Variants in GRIK2 observed in about 807,000 individuals in gnomAD.
The protein encoded by GRIK2 is glutamate ionotropic receptor kainate type subunit 2.
GRIK2 carries 32 observed loss-of-function variants against 100.3 expected under a neutral mutation model. The observed-to-expected ratio is 0.32, with a 90% CI of 0.24 to 0.43. GRIK2 has a LOEUF of 0.43. Among genes scored for constraint, GRIK2 ranks in the 20% least tolerant of loss-of-function variants. GRIK2 has a pLI of 1.00. For missense variants in GRIK2, 843 were observed against 1,114.9 expected (o/e 0.76, Z 3.47); for synonymous variants, 417 against 389.4 (o/e 1.07, Z -0.83).
intron 2 of GRIK2, among the ~76,000 whole-genome samples, chr6:101,472,723 C>G (rs1223476560): frequency 2.6e-5 from 4 of 151,692 alleles, no homozygotes; most frequent in African/African-American, 9.7e-5. Context: ...TGCAGCCATT[C>G]CTTCTTGTGA....
chr6:101,408,163 T>A (rs1479699048), intron 2 of GRIK2, among the ~76,000 whole-genome samples: 2 of 152,112 alleles, frequency 1.3e-5, no homozygotes, highest in Non-Finnish European at 2.9e-5. Context: ...TGGTGTGCAA[T>A]AAGCAGTCAA....
At chr6:101,973,693 G>A (rs1372612594) in intron 14 of GRIK2, among the ~76,000 whole-genome samples, 2 of 151,988 alleles carry the variant, frequency 1.3e-5, no homozygotes, top group East Asian at 3.9e-4. Flanking sequence ...GTATTGGGGG[G>A]AAATTGCCCT....
intron 7 of GRIK2, among the ~76,000 whole-genome samples, chr6:101,707,289 A>G (rs1773369537): frequency 6.6e-6 from 1 of 151,496 alleles, no homozygotes; most frequent in African/African-American, 2.4e-5. Flanking sequence ...GCATGCCAGC[A>G]ATGTTCAACA....
chr6:102,018,009 G>T (rs1461877027), intron 14 of GRIK2, among the ~76,000 whole-genome samples: 1 of 152,044 alleles, frequency 6.6e-6, no homozygotes, highest in Non-Finnish European at 1.5e-5. Context: ...CAAACTTACT[G>T]CCATATCTGA....
chr6:101,561,521 G>A (rs1777010939), intron 2 of GRIK2, among the ~76,000 whole-genome samples: 1 of 152,094 alleles, frequency 6.6e-6, no homozygotes, highest in African/African-American at 2.4e-5. Flanking sequence ...AAAATAGCTA[G>A]AAAAGAAGAA....
At chr6:101,808,526 A>G (rs1350453469) in intron 9 of GRIK2, among the ~76,000 whole-genome samples, 8 of 151,994 alleles carry the variant, frequency 5.3e-5, no homozygotes, top group African/African-American at 1.9e-4. Flanking sequence ...TTTTTATTGT[A>G]CTACAGAATA....
Position 101,818,446 on chromosome 6 carries a change from C to T in GRIK2, c.1280C>T (p.Ser427Phe). 2 of 1,609,418 alleles carry T rather than the reference C, an allele frequency of 1.2e-6. No homozygotes were observed. The highest frequency in any genetic ancestry group is 1.7e-6 in the Non-Finnish European group (2 of 1,175,900). The change falls in exon 10 of 17, where the codon TCC becomes TTC. Residue 427 changes from serine (S) to phenylalanine (F), a missense_variant. Ser to Phe is a radical substitution (Grantham distance 155). Around this residue, in one of 3 missense-constraint regions of GRIK2, gnomAD observed 519 missense variants for 643.8 expected, o/e 0.81. Coordinates refer to ENST00000369134, the MANE Select transcript of GRIK2 (RefSeq NM_021956.5). ...QKGKPANITDSLSNRSLIVTT... is the reference protein window; with the variant it reads ...QKGKPANITDFLSNRSLIVTT... ...GGAAAGCCAGCGAACATCACAGATTCCTTATCCAATCGTTCTTTGATTGTT... is the reference window on the plus strand; with the variant it reads ...GGAAAGCCAGCGAACATCACAGATTTCTTATCCAATCGTTCTTTGATTGTT...
At chr6:101,570,606 T>C (rs988876500) in intron 2 of GRIK2, among the ~76,000 whole-genome samples, 11 of 152,170 alleles carry the variant, frequency 7.2e-5, no homozygotes, top group African/African-American at 1.9e-4. Flanking sequence ...TAAGAAGTTC[T>C]TCCATGTACC....
At chr6:101,941,617 C>A (rs1345975803) in intron 14 of GRIK2, among the ~76,000 whole-genome samples, 4 of 151,886 alleles carry the variant, frequency 2.6e-5, no homozygotes, top group Non-Finnish European at 5.9e-5. Flanking sequence ...GACTGTTATA[C>A]AATGGCTTGG....
intron 2 of GRIK2, among the ~76,000 whole-genome samples, chr6:101,514,425 C>G (rs1429231214): frequency 6.6e-6 from 1 of 151,952 alleles, no homozygotes; most frequent in Non-Finnish European, 1.5e-5. Flanking sequence ...CATATGGAGA[C>G]AGGGAAGGGA....
At chr6:101,815,561 T>C (rs1201640606) in intron 9 of GRIK2, among the ~76,000 whole-genome samples, 1 of 151,578 alleles carries the variant, frequency 6.6e-6, no homozygotes, top group East Asian at 1.9e-4. Flanking sequence ...AGAGTCACCA[T>C]ATATAAAACA....
intron 14 of GRIK2, among the ~76,000 whole-genome samples, chr6:102,030,411 ATTTTTT>A (rs202113440): frequency 1.3e-5 from 2 of 148,214 alleles, no homozygotes; most frequent in Admixed American, 1.4e-4. Flanking sequence ...TTTTTATTTT[ATTTTTT>A]TTTTCTTTTT....
chr6:102,057,072 A>T (rs993067535), intron 16 of GRIK2, among the ~76,000 whole-genome samples: 21 of 152,018 alleles, frequency 1.4e-4, no homozygotes, highest in Non-Finnish European at 2.9e-5. Context: ...CTAAAGAGCT[A>T]ACCAAAGAAG....
intron 11 of GRIK2, among the ~76,000 whole-genome samples, chr6:101,881,646 C>T (rs893731501): frequency 4.0e-5 from 6 of 151,000 alleles, no homozygotes; most frequent in Non-Finnish European, 8.9e-5. Context: ...ATATAAATTC[C>T]AGCTAGCCTG....
chr6:101,526,909 C>T (rs1775184976), intron 2 of GRIK2, among the ~76,000 whole-genome samples: 1 of 152,098 alleles, frequency 6.6e-6, no homozygotes, highest in Non-Finnish European at 1.5e-5. Flanking sequence ...GAATCCTCTC[C>T]GGGGGTTCAG....
At chr6:101,888,378 C>T (rs558072003) in intron 11 of GRIK2, among the ~76,000 whole-genome samples, 2 of 152,194 alleles carry the variant, frequency 1.3e-5, no homozygotes, top group East Asian at 3.9e-4. Context: ...TGTGACAATT[C>T]CTGTGAAGTT....
chr6:101,518,086 A>T (rs1324202626), intron 2 of GRIK2, among the ~76,000 whole-genome samples: 1 of 141,258 alleles, frequency 7.1e-6, no homozygotes, highest in African/African-American at 2.5e-5. Flanking sequence ...AGCTATTATG[A>T]ATGTTTTGAG....
chr6:101,838,342 G>A (rs1166914794), intron 10 of GRIK2, among the ~76,000 whole-genome samples: 1 of 152,090 alleles, frequency 6.6e-6, no homozygotes, highest in Non-Finnish European at 1.5e-5. Flanking sequence ...AGAGGCCACA[G>A]CCATTAATCT....
At chr6:101,788,409 T>C (rs1350050851) in intron 7 of GRIK2, among the ~76,000 whole-genome samples, 1 of 151,868 alleles carries the variant, frequency 6.6e-6, no homozygotes, top group African/African-American at 2.4e-5. Context: ...CCTTCCTCTG[T>C]CCATGTGTTC....
Sources: allele counts gnomAD v4.1 joint callset (sites outside exome capture counted in the v4.1 genomes callset), GRCh38; gene constraint gnomAD v4.1.1; regional missense constraint gnomAD v4.1.1; transcripts MANE v1.5; gene names NCBI Gene and HGNC (gene_info 2026-07-23, HGNC 2026-07-21).